The following PTGIS variants were observed in gnomAD, a reference collection of about 807,000 sequenced individuals.
PTGIS encodes prostacyclin synthase.
In PTGIS, 45 loss-of-function variants were observed where a neutral mutation model predicts 50.3. The ratio of observed to expected loss-of-function variants is 0.90; its 90% CI spans 0.70 to 1.15. The LOEUF is 1.15. Ranked by LOEUF, PTGIS falls within the 50% of genes most tolerant of loss-of-function variation. PTGIS has a pLI of 0.00. For synonymous variants in PTGIS, 260 were observed against 267.7 expected (o/e 0.97, Z 0.28); for missense variants, 668 against 661.3 (o/e 1.01, Z -0.11).
intron 6 of PTGIS, among the ~76,000 whole-genome samples, chr20:49,522,904 G>A (rs1378281875): frequency 6.6e-6 from 1 of 152,078 alleles, no homozygotes; most frequent in Non-Finnish European, 1.5e-5. Flanking sequence ...TGCGCCTGTA[G>A]TCCCAGCTAT....
chr20:49,511,265 C>A lies in PTGIS; in HGVS notation c.1207-86G>T. ...AATGTATGAGGATGTTCATGACAGT[C>A]ATGTTTATAAGAGGGAAAAACTGGA... On this transcript the variant is annotated intron_variant, in intron 8 of 9. Coordinates refer to ENST00000244043, the MANE Select transcript of PTGIS (RefSeq NM_000961.4). The A allele has an allele frequency of 2.0e-6, 3 of 1,522,900 alleles. No individual in the cohort carries two copies. In the South Asian group the frequency reaches 3.4e-5, roughly 17 times the overall value. The allele number at this position is 1,522,900 out of a possible 1,614,324, so 94.3% of individuals were successfully genotyped here.
chr20:49,536,411 GCAC>G (rs1333452692), intron 5 of PTGIS, among the ~76,000 whole-genome samples: 2 of 151,760 alleles, frequency 1.3e-5, no homozygotes, highest in Non-Finnish European at 2.9e-5. Flanking sequence ...CTCGTATCTG[GCAC>G]ATAGTAAGTG....
At chr20:49,547,634 C>A (rs1028739471) in intron 3 of PTGIS, among the ~76,000 whole-genome samples, 81 of 151,906 alleles carry the variant, frequency 5.3e-4, no homozygotes, top group African/African-American at 1.9e-3. Context: ...AACAAACAAA[C>A]AAAAAAACCC....
intron 1 of PTGIS, among the ~76,000 whole-genome samples, chr20:49,553,194 A>C (rs1982553216): frequency 6.6e-6 from 1 of 152,150 alleles, no homozygotes; most frequent in African/African-American, 2.4e-5. Flanking sequence ...TAGATATTAT[A>C]AGGTGACAAA....
chr20:49,516,010 A>T (rs1981463746), intron 6 of PTGIS, among the ~76,000 whole-genome samples: 1 of 150,058 alleles, frequency 6.7e-6, no homozygotes, highest in Non-Finnish European at 1.5e-5. Flanking sequence ...CCTCCCAAGG[A>T]GCTGGGGCCA....
chr20:49,514,291 C>G lies in PTGIS; in HGVS notation c.960G>C (p.Ala320=), dbSNP rs768395134. 5 of 1,613,974 alleles carry G rather than the reference C, an allele frequency of 3.1e-6. No homozygotes were observed. Among genetic ancestry groups the G allele is most frequent in the Non-Finnish European group, 4.2e-6 (5 of 1,180,042 alleles). ...RGELESILWQ[A]EQPVSQTTTL... is the part of the protein sequence containing the mutation. ...TGGTCGTCTGCGAGACAGGCTGCTC[C>G]GCTTGCCAAAGGATACTCTCGAGCT... The change falls in exon 7 of 10, where the codon GCG becomes GCC. Residue 320 remains alanine, a synonymous_variant. Coordinates refer to ENST00000244043, the MANE Select transcript of PTGIS (RefSeq NM_000961.4).
chr20:49,539,265 G>A (rs748037884), intron 5 of PTGIS, among the ~76,000 whole-genome samples: 10 of 152,106 alleles, frequency 6.6e-5, no homozygotes, highest in Non-Finnish European at 1.5e-4. Context: ...CGAACTACTT[G>A]TAAAAACTTT....
At chr20:49,519,098 G>C (rs2122848455) in intron 6 of PTGIS, among the ~76,000 whole-genome samples, 1 of 152,212 alleles carries the variant, frequency 6.6e-6, no homozygotes. Context: ...GAGCTGGCAG[G>C]GAAGCCTGAC....
In PTGIS at chr20:49,568,063, TAGC is replaced by T. The variant is rs1360658271; in HGVS notation, c.51_53del (p.Leu19del). On this transcript the variant is annotated inframe_deletion, in exon 1 of 10. Coordinates refer to ENST00000244043, the MANE Select transcript of PTGIS (RefSeq NM_000961.4). ...CTCACCGCGTGCGGCGGCGGCTCAG[TAGC>T]AGCAGCAGCAACAGTGCGGCCAGGA... is the stretch of plus-strand genomic sequence containing the variant. 2.7e-6 allele frequency: 4 copies of T among 1,478,910 alleles called. No individual in the cohort carries two copies. The highest frequency in any genetic ancestry group is 2.9e-5 in the East Asian group (1 of 34,294). The allele number at this position is 1,478,910 out of a possible 1,614,324, so 91.6% of individuals were successfully genotyped here.
chr20:49,567,559 A>T (rs933050290), intron 1 of PTGIS, among the ~76,000 whole-genome samples: 8 of 152,232 alleles, frequency 5.3e-5, no homozygotes, highest in African/African-American at 1.9e-4. Flanking sequence ...TAATGGGTTG[A>T]GGAGCGAGGC....
In PTGIS at chr20:49,552,106, G is replaced by T. The variant is rs572794979; in HGVS notation, c.75-1917C>A. On this transcript the variant is annotated intron_variant, in intron 1 of 9. Coordinates refer to ENST00000244043, the MANE Select transcript of PTGIS (RefSeq NM_000961.4). Reference sequence around the variant, plus strand: ...AAACCCTAAGAGTGTAAAAAGACAAGTTCCTCTCAGATCTTAAACTGATTG... The same window carrying T: ...AAACCCTAAGAGTGTAAAAAGACAATTTCCTCTCAGATCTTAAACTGATTG... Among the ~76,000 whole-genome samples, 5 of 152,022 alleles carry T rather than the reference G, an allele frequency of 3.3e-5. No homozygotes were observed. In the South Asian group the frequency reaches 1.0e-3, roughly 32 times the overall value.
intron 8 of PTGIS, among the ~76,000 whole-genome samples, chr20:49,512,044 G>A (rs1981334219): frequency 1.3e-5 from 2 of 151,956 alleles, no homozygotes; most frequent in Non-Finnish European, 1.5e-5. Flanking sequence ...TGAGTGGGTA[G>A]ATAAATGAGT....
intron 6 of PTGIS, among the ~76,000 whole-genome samples, chr20:49,522,807 G>A (rs1398923664): frequency 1.3e-5 from 2 of 152,086 alleles, no homozygotes; most frequent in Non-Finnish European, 2.9e-5. Context: ...GGTGGATCAC[G>A]AGGTTAAAAG....
rs1465471135 is a variant in PTGIS at position 49,549,565 on chromosome 20, TG to T, written c.198+500del. 3.3e-5 allele frequency among the ~76,000 whole-genome samples: 5 copies of T among 152,270 alleles called. No individual in the cohort carries two copies. In the East Asian group the frequency reaches 9.6e-4, roughly 29 times the overall value. On this transcript the variant is annotated intron_variant, in intron 2 of 9. Coordinates refer to ENST00000244043, the MANE Select transcript of PTGIS (RefSeq NM_000961.4). ...TGAGTGGAAGAACTCTGGGTAGATC[TG>T]GGCAGACACATGAAGGGATAGAAGA...
intron 1 of PTGIS, 104 bp downstream of exon 1, chr20:49,567,939 G>A (rs971755641): frequency 2.6e-4 from 290 of 1,115,928 alleles, no homozygotes; most frequent in Non-Finnish European, 3.3e-4. Flanking sequence ...ATACTGGAGC[G>A]GGACTCGGGC....
At chr20:49,515,749 GCT>G (rs1460481536) in intron 6 of PTGIS, among the ~76,000 whole-genome samples, 1 of 152,186 alleles carries the variant, frequency 6.6e-6, no homozygotes, top group Non-Finnish European at 1.5e-5. Flanking sequence ...AAAGAAGCTG[GCT>G]CTGTGTGTAC....
At chr20:49,549,679 G>A (rs141918038) in intron 2 of PTGIS, among the ~76,000 whole-genome samples, 4 of 152,302 alleles carry the variant, frequency 2.6e-5, no homozygotes, top group Non-Finnish European at 4.4e-5. Context: ...TGAATGCTGA[G>A]TAGATATAAG....
rs574162404 is a variant in PTGIS at position 49,567,090 on chromosome 20, G to A, written c.74+953C>T. Among the ~76,000 whole-genome samples, 50 of 152,266 alleles carry A rather than the reference G, an allele frequency of 3.3e-4. No individual in the cohort carries two copies. In the South Asian group the frequency reaches 1.0e-2, roughly 30 times the overall value. ...TCAGCAACAGGAGAGGCCCAGAGAG[G>A]GAGAGAGGACTAGACTTCAGGGGCT... On this transcript the variant is annotated intron_variant, in intron 1 of 9. Transcript: ENST00000244043.
chr20:49,506,085 AG>A lies in PTGIS; in HGVS notation c.*1834del, dbSNP rs1179937280. 1 of 152,694 alleles carries A rather than the reference AG, an allele frequency of 6.5e-6. No homozygotes were observed. Among genetic ancestry groups the A allele is most frequent in the Non-Finnish European group, 1.5e-5 (1 of 68,072 alleles). 9.5% of individuals were successfully genotyped at this position (152,694 alleles called of 1,614,324 possible). On this transcript the variant is annotated 3_prime_UTR_variant, in exon 10 of 10. Transcript: ENST00000244043. ...ACCAGTCCCCTTGAGCCCAAAGAAC[AG>A]GAGTTGCTCATCCAGCATTTGCTCC...
Sources: gnomAD v4.1 joint callset for allele counts (sites outside exome capture counted in the v4.1 genomes callset) on GRCh38, gnomAD v4.1.1 for gene constraint, MANE v1.5 for transcripts, NCBI Gene and HGNC (gene_info 2026-07-23, HGNC 2026-07-21) for gene names.